Variants in MED26 observed in about 807,000 individuals in gnomAD.
MED26 encodes the protein mediator of RNA polymerase II transcription subunit 26.
MED26 carries 7 observed loss-of-function variants against 43.7 expected under a neutral mutation model. That is an observed-to-expected ratio of 0.16 (90% CI 0.09 to 0.30). The LOEUF (loss-of-function observed/expected upper bound fraction) is 0.30, where lower values mean the gene tolerates loss of function less well. Among genes scored for constraint, MED26 ranks in the 10% least tolerant of loss-of-function variants. The pLI, the probability that MED26 is intolerant of heterozygous loss-of-function variation, is 1.00. For missense variants in MED26, 784 were observed against 840.6 expected (o/e 0.93, Z 0.83); for synonymous variants, 375 against 371.1 (o/e 1.01, Z -0.12).
At chr19:16,625,959 T>C (rs2086272995) in intron 1 of MED26, among the ~76,000 whole-genome samples, 1 of 152,210 alleles carries the variant, frequency 6.6e-6, no homozygotes, top group African/African-American at 2.4e-5. Context: ...AAATAAGCGG[T>C]ATGAAATGCA....
intron 1 of MED26, among the ~76,000 whole-genome samples, chr19:16,609,026 A>G (rs1275512545): frequency 1.3e-5 from 2 of 152,226 alleles, no homozygotes; most frequent in Non-Finnish European, 2.9e-5. Context: ...ATACAAAGAT[A>G]TCGACCAGGC....
Position 16,577,502 on chromosome 19 carries a change from T to C in MED26, c.328A>G (p.Asn110Asp). 1.9e-6 allele frequency: 3 copies of C among 1,595,792 alleles called. No individual in the cohort carries two copies. Among genetic ancestry groups the C allele is most frequent in the African/African-American group, 1.3e-5 (1 of 74,568 alleles). The change falls in exon 3 of 3, where the codon AAC becomes GAC. Residue 110 changes from asparagine to aspartate, a missense_variant. Around this residue, in one of 3 missense-constraint regions of MED26, gnomAD observed 719 missense variants for 730.9 expected, o/e 0.98. Coordinates refer to ENST00000263390, the MANE Select transcript of MED26 (RefSeq NM_004831.5). The surrounding 1 kb of genome is among the most constrained non-coding windows in gnomAD (Gnocchi z 8.1). ...ATGSANGGAH[N>D]CRPEVGAAGP... ...GCCGCCCCCACCTCCGGCCGGCAGT[T>C]GTGTGCGCCCCCGTTGGCAGAGCCG... is the stretch of plus-strand genomic sequence containing the variant.
At chr19:16,598,966 C>A (rs1376977702) in intron 1 of MED26, among the ~76,000 whole-genome samples, 3 of 152,100 alleles carry the variant, frequency 2.0e-5, no homozygotes, top group Non-Finnish European at 2.9e-5. Context: ...AAATCAAGTA[C>A]CAAGTCCCAC....
rs1316064107 is a variant in MED26, at chr19:16,587,127, AAC to A, written c.73-8720_73-8719del. 1 of 139,510 alleles carries A rather than the reference AAC, an allele frequency of 7.2e-6. No individual in the cohort carries two copies. The highest frequency in any genetic ancestry group is 2.7e-5 in the African/African-American group (1 of 36,930). 8.6% of individuals were successfully genotyped at this position (139,510 alleles called of 1,614,324 possible). A position where few individuals can be genotyped will look rare whatever the true frequency, so the allele number is the denominator to read the frequency against. ...TCACCTCGCCCACCCCCCAACCCCC[AAC>A]ACACAGTCGTGTCTGCTGAGGACAC... On this transcript the variant is annotated intron_variant, in intron 1 of 2. Transcript: ENST00000263390. The surrounding 1 kb of genome is among the most constrained non-coding windows in gnomAD (Gnocchi z 4.9).
intron 1 of MED26, chr19:16,588,815 C>G (rs1347885486): frequency 6.6e-6 from 1 of 152,322 alleles, no homozygotes; most frequent in African/African-American, 2.4e-5. Flanking sequence ...AGCCCCCCGC[C>G]TGCCTGTCCA....
chr19:16,577,848 G>A lies in MED26; in HGVS notation c.148-166C>T. On this transcript the variant is annotated intron_variant, in intron 2 of 2. Transcript: ENST00000263390. The surrounding 1 kb of genome is among the most constrained non-coding windows in gnomAD (Gnocchi z 8.1). Reference sequence around the variant, plus strand: ...AACTTCTGGGGATTTCCGGTCCTTTGTGACAATATAAATTCTCAAACCTAG... The same window carrying A: ...AACTTCTGGGGATTTCCGGTCCTTTATGACAATATAAATTCTCAAACCTAG... 1 of 568,882 alleles carries A rather than the reference G, an allele frequency of 1.8e-6. No individual in the cohort carries two copies. Among genetic ancestry groups the A allele is most frequent in the East Asian group, 3.0e-5 (1 of 32,900 alleles). 35.2% of individuals were successfully genotyped at this position (568,882 alleles called of 1,614,324 possible).
At chr19:16,606,688 C>T (rs2086174870) in intron 1 of MED26, among the ~76,000 whole-genome samples, 1 of 152,154 alleles carries the variant, frequency 6.6e-6, no homozygotes, top group Non-Finnish European at 1.5e-5. Flanking sequence ...TTTGATGGCT[C>T]AGTGATGAAG....
At chr19:16,585,045 C>G (rs2086064417) in intron 1 of MED26, among the ~76,000 whole-genome samples, 2 of 152,164 alleles carry the variant, frequency 1.3e-5, no homozygotes, top group African/African-American at 4.8e-5. Flanking sequence ...GAGCCTGTCT[C>G]AAGTCTCAGG....
At position 16,575,375 on chromosome 19, in the gene MED26, T is replaced by C. The variant is rs976909330; in HGVS notation, c.*652A>G. 6.6e-6 allele frequency: 1 copy of C among 152,666 alleles called. No individual in the cohort carries two copies. Among genetic ancestry groups the C allele is most frequent in the African/African-American group, 2.4e-5 (1 of 41,464 alleles). The allele number at this position is 152,666 out of a possible 1,614,324, so 9.5% of individuals were successfully genotyped here. ...CAGCATTTCTTTAAAAACTGGGTTA[T>C]AACTGAAACCAGATATAAACAGGTG... On this transcript the variant is annotated 3_prime_UTR_variant, in exon 3 of 3. Coordinates refer to ENST00000263390, the MANE Select transcript of MED26 (RefSeq NM_004831.5).
intron 1 of MED26, among the ~76,000 whole-genome samples, chr19:16,608,156 G>C (rs553639392): frequency 2.5e-4 from 38 of 152,360 alleles, no homozygotes; most frequent in Non-Finnish European, 5.1e-4. Context: ...AAGGGGCAGG[G>C]ACTCTACCCA....
intron 1 of MED26, among the ~76,000 whole-genome samples, chr19:16,626,688 C>T (rs565725536): frequency 1.3e-5 from 2 of 152,224 alleles, no homozygotes; most frequent in African/African-American, 4.8e-5. Flanking sequence ...AAAGCAAAAA[C>T]CCCTACGGTG....
In MED26 at chr19:16,576,071, C is replaced by T. The variant is rs373813444; in HGVS notation, c.1759G>A (p.Asp587Asn). 1.9e-5 allele frequency: 31 copies of T among 1,613,808 alleles called. No homozygotes were observed. The highest frequency in any genetic ancestry group is 8.9e-5 in the East Asian group (4 of 44,848). Residue 587 changes from aspartate to asparagine, a missense_variant, in exon 3 of 3, where the codon GAC becomes AAC. Transcript: ENST00000263390. This position sits in a 1 kb window ranked among gnomAD's most constrained non-coding sequence, Gnocchi z 6.8. The part of the protein sequence containing the change: ...TQCISLDPHG[D>N]DGRLNILPYV... ...GGCAGAATGTTCAAGCGCCCGTCGT[C>T]GCCGTGCGGATCGAGCGATATGCAC...
At chr19:16,584,859 T>A (rs1022740945) in intron 1 of MED26, among the ~76,000 whole-genome samples, 4 of 152,226 alleles carry the variant, frequency 2.6e-5, no homozygotes, top group Non-Finnish European at 5.9e-5. Context: ...AATACATCTA[T>A]TTCCTAGCAT....
At chr19:16,578,658 A>G (rs760217716) in intron 1 of MED26, 18 of 520,614 alleles carry the variant, frequency 3.5e-5, no homozygotes, top group Non-Finnish European at 5.1e-5. Context: ...TCCAGTGTAC[A>G]TGGTACATAC....
At chr19:16,594,945 C>T (rs2086113563) in intron 1 of MED26, among the ~76,000 whole-genome samples, 1 of 152,224 alleles carries the variant, frequency 6.6e-6, no homozygotes, top group Non-Finnish European at 1.5e-5. Context: ...ATCAGCCTGC[C>T]TCGGCCTCAC....
chr19:16,598,041 A>G (rs1568284673), intron 1 of MED26, among the ~76,000 whole-genome samples: 1 of 151,796 alleles, frequency 6.6e-6, no homozygotes, highest in Admixed American at 6.6e-5. Context: ...GCTGTTTTCA[A>G]ATTACCTCCC....
intron 1 of MED26, among the ~76,000 whole-genome samples, chr19:16,599,502 G>A (rs2086138486): frequency 6.6e-6 from 1 of 152,160 alleles, no homozygotes; most frequent in Non-Finnish European, 1.5e-5. Context: ...CTGCAGGGAA[G>A]AGCCCATCCA....
intron 1 of MED26, among the ~76,000 whole-genome samples, chr19:16,590,116 T>C (rs1440225050): frequency 6.6e-6 from 1 of 152,102 alleles, no homozygotes; most frequent in Admixed American, 6.6e-5. Context: ...AACAGATGAG[T>C]GTCCCCAGGA....
At chr19:16,585,367 G>A (rs2086066024) in intron 1 of MED26, among the ~76,000 whole-genome samples, 1 of 152,186 alleles carries the variant, frequency 6.6e-6, no homozygotes, top group Non-Finnish European at 1.5e-5. Flanking sequence ...GCCCAGGACA[G>A]CCACCACCAC....
Sources: gnomAD v4.1 joint callset for allele counts (sites outside exome capture counted in the v4.1 genomes callset) on GRCh38, gnomAD v4.1.1 for gene constraint, gnomAD v4.1.1 regional missense constraint, Gnocchi (gnomAD v3.1) non-coding constraint, MANE v1.5 for transcripts, NCBI Gene and HGNC (gene_info 2026-07-23, HGNC 2026-07-21) for gene names.